Variants in CSMD1 observed in about 807,000 individuals in gnomAD.
CSMD1 encodes CUB and Sushi multiple domains 1.
Under a neutral mutation model 417.5 loss-of-function variants are expected in CSMD1, and 213 were observed. That is an observed-to-expected ratio of 0.51 (90% CI 0.46 to 0.57). The LOEUF (loss-of-function observed/expected upper bound fraction) is 0.57, where lower values mean the gene tolerates loss of function less well. Among genes scored for constraint, CSMD1 ranks in the 20% least tolerant of loss-of-function variants. CSMD1 has a pLI of 0.00. For synonymous variants in CSMD1, 2,862 were observed against 1,736.8 expected (o/e 1.65, Z -16.11); for missense variants, 6,923 against 4,529.7 (o/e 1.53, Z -15.17).
At chr8:3,330,969 T>G (rs1021311664) in intron 23 of CSMD1, among the ~76,000 whole-genome samples, 4 of 152,152 alleles carry the variant, frequency 2.6e-5, no homozygotes, top group Non-Finnish European at 5.9e-5. Flanking sequence ...AAAGCAACAG[T>G]GCCGGGCGCG....
At chr8:4,737,628 T>G (rs1016832384) in intron 1 of CSMD1, among the ~76,000 whole-genome samples, 1 of 152,188 alleles carries the variant, frequency 6.6e-6, no homozygotes. Context: ...TTTTACACAT[T>G]TTTTACCAAA....
chr8:3,957,683 G>A (rs909057493), intron 5 of CSMD1, among the ~76,000 whole-genome samples: 1 of 150,270 alleles, frequency 6.7e-6, no homozygotes, highest in African/African-American at 2.4e-5. Flanking sequence ...GCAAGACCAT[G>A]TCGGAAAAAA....
intron 1 of CSMD1, among the ~76,000 whole-genome samples, chr8:4,852,987 C>G (rs368867455): frequency 6.6e-6 from 1 of 152,150 alleles, no homozygotes; most frequent in African/African-American, 2.4e-5. Flanking sequence ...CTGCTTATAA[C>G]AGTCTACACT....
intron 5 of CSMD1, among the ~76,000 whole-genome samples, chr8:3,842,713 C>A (rs1446063749): frequency 2.7e-5 from 4 of 150,672 alleles, no homozygotes; most frequent in Non-Finnish European, 4.4e-5. Context: ...GAGAAACCTG[C>A]AAAAAATGTG....
At chr8:3,394,221 A>G (rs1563342658) in intron 17 of CSMD1, among the ~76,000 whole-genome samples, 3 of 146,866 alleles carry the variant, frequency 2.0e-5, no homozygotes, top group Non-Finnish European at 3.0e-5. Context: ...AGTTGTCAGG[A>G]TTACTTACAT....
rs575643311 is a variant in CSMD1 at position 3,544,717 on chromosome 8, G to A, written c.1344+30228C>T. ...GGAGCCACAGAAGCTTGACTAGACG[G>A]GGTTCAGGGAGACCAGGATGCTGGG... On this transcript the variant is annotated intron_variant, in intron 10 of 69. Coordinates refer to ENST00000635120, the MANE Select transcript of CSMD1 (RefSeq NM_033225.6). Among the ~76,000 whole-genome samples the A allele has an allele frequency of 3.3e-5, 5 of 152,202 alleles. No homozygotes were observed. The South Asian group carries it at 1.0e-3, about 32-fold the overall frequency.
chr8:3,722,689 G>C (rs1036600352), intron 6 of CSMD1, among the ~76,000 whole-genome samples: 2 of 152,130 alleles, frequency 1.3e-5, no homozygotes, highest in African/African-American at 4.8e-5. Context: ...ATTGCCCTAG[G>C]ATCAATTTTT....
intron 1 of CSMD1, among the ~76,000 whole-genome samples, chr8:4,799,405 C>CTTT (rs1798156160): frequency 6.6e-6 from 1 of 151,450 alleles, no homozygotes; most frequent in Non-Finnish European, 1.5e-5. Flanking sequence ...ATCCTCAGCC[C>CTTT]GGCCACCATG....
intron 1 of CSMD1, among the ~76,000 whole-genome samples, chr8:4,983,790 T>C (rs1265041276): frequency 2.0e-5 from 3 of 151,794 alleles, no homozygotes; most frequent in African/African-American, 4.9e-5. Context: ...TTTTTAAACA[T>C]AGTAACTGAC....
chr8:3,897,831 A>C (rs1216644010), intron 5 of CSMD1, among the ~76,000 whole-genome samples: 2 of 152,088 alleles, frequency 1.3e-5, no homozygotes, highest in Non-Finnish European at 2.9e-5. Flanking sequence ...CTTTTTTCTC[A>C]TTAGCCTGAG....
intron 2 of CSMD1, among the ~76,000 whole-genome samples, chr8:4,570,214 G>C (rs73184952): frequency 0.16 from 23,660 of 152,144 alleles, 2,138 homozygotes; most frequent in Non-Finnish European, 0.2. Flanking sequence ...CTTGTCTTTT[G>C]CTGGTTTTAA....
chr8:4,559,758 G>C (rs546591581), intron 2 of CSMD1, among the ~76,000 whole-genome samples: 1 of 152,364 alleles, frequency 6.6e-6, no homozygotes, highest in East Asian at 1.9e-4. Flanking sequence ...TAGTGAGTCA[G>C]TTGTTATCAG....
chr8:3,005,300 TTTCAGTCTACTCTATTCTG>T (rs1807788002), intron 52 of CSMD1, among the ~76,000 whole-genome samples: 1 of 152,138 alleles, frequency 6.6e-6, no homozygotes, highest in Non-Finnish European at 1.5e-5. Flanking sequence ...ATCACTAGCT[TTTCAGTCTACTCTATTCTG>T]TGTCTGATGA....
At chr8:4,930,660 A>G (rs1807184273) in intron 1 of CSMD1, among the ~76,000 whole-genome samples, 1 of 152,192 alleles carries the variant, frequency 6.6e-6, no homozygotes, top group East Asian at 1.9e-4. Flanking sequence ...AGAAACATTA[A>G]TATTTCCTAC....
At chr8:3,600,315 G>C (rs1801301322) in intron 8 of CSMD1, among the ~76,000 whole-genome samples, 1 of 152,222 alleles carries the variant, frequency 6.6e-6, no homozygotes, top group Non-Finnish European at 1.5e-5. Flanking sequence ...ATTTAATGCT[G>C]TTGAAGGGTG....
At chr8:4,053,323 A>G (rs1030147486) in intron 3 of CSMD1, among the ~76,000 whole-genome samples, 2 of 152,314 alleles carry the variant, frequency 1.3e-5, no homozygotes, top group African/African-American at 4.8e-5. Flanking sequence ...GAATAATAAA[A>G]ATCAGACTGA....
chr8:4,864,542 G>A (rs1802314182), intron 1 of CSMD1, among the ~76,000 whole-genome samples: 1 of 151,654 alleles, frequency 6.6e-6, no homozygotes, highest in South Asian at 2.1e-4. Context: ...TATGGGCAGA[G>A]TGATCATCAT....
chr8:3,322,235 C>T (rs570382438), intron 23 of CSMD1, among the ~76,000 whole-genome samples: 32 of 152,186 alleles, frequency 2.1e-4, no homozygotes, highest in African/African-American at 6.3e-4. Flanking sequence ...CCAGCAGGAG[C>T]GGAACATTTT....
intron 3 of CSMD1, among the ~76,000 whole-genome samples, chr8:4,078,081 C>T (rs575263334): frequency 6.6e-6 from 1 of 152,104 alleles, no homozygotes; most frequent in Non-Finnish European, 1.5e-5. Flanking sequence ...GAAATGCCTA[C>T]ATGCCAAAGA....
Sources: gnomAD v4.1 joint callset for allele counts (sites outside exome capture counted in the v4.1 genomes callset) on GRCh38, gnomAD v4.1.1 for gene constraint, MANE v1.5 for transcripts, NCBI Gene and HGNC (gene_info 2026-07-23, HGNC 2026-07-21) for gene names.